The following THADA variants were observed in gnomAD, a reference collection of about 807,000 sequenced individuals.
THADA encodes the protein tRNA (32-2'-O)-methyltransferase regulator THADA.
In THADA, 213 loss-of-function variants were observed where a neutral mutation model predicts 219.8. The ratio of observed to expected loss-of-function variants is 0.97; its 90% CI spans 0.87 to 1.09. The LOEUF (loss-of-function observed/expected upper bound fraction) is 1.09, where lower values mean the gene tolerates loss of function less well. Ranked by LOEUF, THADA falls within the 50% of genes least tolerant of loss-of-function variation. The pLI is 0.00. For synonymous variants in THADA, 1,018 were observed against 828.9 expected (o/e 1.23, Z -3.92); for missense variants, 2,956 against 2,311.3 (o/e 1.28, Z -5.72).
Position 43,342,646 on chromosome 2 carries a change from A to T in THADA, c.4343+1476T>A, listed in dbSNP as rs73923580. ...GCCAGTTTGATGTCAGCCCTCTCTC[A>T]CCCCTCTTCTGGCGTAATGCTGTAC... On this transcript the variant is annotated intron_variant, in intron 30 of 37. Transcript: ENST00000405975. Among the ~76,000 whole-genome samples, 1,059 of 152,068 alleles carry T rather than the reference A, an allele frequency of 7.0e-3. 16 individuals carry two copies. Among genetic ancestry groups the T allele is most frequent in the African/African-American group, 0.025 (1,032 of 41,462 alleles).
intron 4 of THADA, 100 bp from the exon 5 acceptor site, chr2:43,587,102 T>C: frequency 8.0e-7 from 1 of 1,249,790 alleles, no homozygotes; most frequent in South Asian, 1.5e-5. Context: ...CTGAACTAAA[T>C]CTTCAAAATA....
chr2:43,561,297 C>T (rs999287992), intron 15 of THADA, among the ~76,000 whole-genome samples: 5 of 152,176 alleles, frequency 3.3e-5, no homozygotes, highest in Admixed American at 2.6e-4. Flanking sequence ...CTATCAAACT[C>T]TTATTCAAGT....
intron 26 of THADA, chr2:43,484,527 G>A (rs1203942446): frequency 5.9e-6 from 1 of 169,040 alleles, no homozygotes; most frequent in Non-Finnish European, 1.5e-5. Flanking sequence ...AAGTCAATTA[G>A]ATTACCATTA....
rs568720274 is a variant in THADA, at chr2:43,417,041, T to C, written c.4058+11059A>G. Among the ~76,000 whole-genome samples, 60 of 145,790 alleles carry C rather than the reference T, an allele frequency of 4.1e-4. No individual in the cohort carries two copies. The East Asian group carries it at 5.0e-3, about 12-fold the overall frequency. On this transcript the variant is annotated intron_variant, in intron 28 of 37. Coordinates refer to ENST00000405975, the MANE Select transcript of THADA (RefSeq NM_022065.5). ...TGATATCCTCATGGCTGTTTTCTTT[T>C]TTTTTTTTTTTTTTTTTTGAGACGG...
At position 43,335,191 on chromosome 2, in the gene THADA, C is replaced by T. The variant is rs138641688; in HGVS notation, c.4343+8931G>A. On this transcript the variant is annotated intron_variant, in intron 30 of 37. Coordinates refer to ENST00000405975, the MANE Select transcript of THADA (RefSeq NM_022065.5). ...ATAAGATTCCCAGGTGATTCACGTG[C>T]ACATTTTCTTTCTGAGAATCACTGT... Among the ~76,000 whole-genome samples, 28 of 152,216 alleles carry T rather than the reference C, an allele frequency of 1.8e-4. No homozygotes were observed. The East Asian group carries it at 5.2e-3, about 28-fold the overall frequency.
At chr2:43,243,519 AG>A (rs957745024) in intron 36 of THADA, among the ~76,000 whole-genome samples, 9 of 152,042 alleles carry the variant, frequency 5.9e-5, no homozygotes, top group African/African-American at 2.2e-4. Context: ...TGCTCAGTCT[AG>A]TACGCCGGTC....
At chr2:43,382,334 G>A (rs906232087) in intron 29 of THADA, among the ~76,000 whole-genome samples, 2 of 152,196 alleles carry the variant, frequency 1.3e-5, no homozygotes, top group Non-Finnish European at 2.9e-5. Flanking sequence ...GGGGTGTACA[G>A]AAACTTTCTG....
At chr2:43,280,194 C>A (rs1172393228) in intron 35 of THADA, among the ~76,000 whole-genome samples, 5 of 152,206 alleles carry the variant, frequency 3.3e-5, no homozygotes, top group Admixed American at 6.6e-5. Context: ...CTCTGCCCTG[C>A]TCTCCTAGTT....
intron 21 of THADA, among the ~76,000 whole-genome samples, chr2:43,533,423 T>C (rs1446283093): frequency 6.6e-6 from 1 of 151,954 alleles, no homozygotes; most frequent in African/African-American, 2.4e-5. Flanking sequence ...CATTCTACTA[T>C]AAAGACACAT....
In THADA at chr2:43,230,872, A is replaced by C; in HGVS notation, c.*76T>G. 1 of 1,489,760 alleles carries C rather than the reference A, an allele frequency of 6.7e-7. No homozygotes were observed. Among genetic ancestry groups the C allele is most frequent in the South Asian group, 1.4e-5 (1 of 71,260 alleles). The allele number at this position is 1,489,760 out of a possible 1,614,324, so 92.3% of individuals were successfully genotyped here. On this transcript the variant is annotated 3_prime_UTR_variant, in exon 38 of 38. Transcript: ENST00000405975. ...TGAATGGGATAAAATTTTTGAATTT[A>C]TGTTCAACATGTTTCCTGCAGATTT...
At chr2:43,459,612 C>A (rs1683397708) in intron 26 of THADA, among the ~76,000 whole-genome samples, 1 of 152,132 alleles carries the variant, frequency 6.6e-6, no homozygotes, top group Non-Finnish European at 1.5e-5. Context: ...TCTCATGAAC[C>A]TAGTACAATG....
At chr2:43,316,614 T>A (rs1304831844) in intron 31 of THADA, among the ~76,000 whole-genome samples, 3 of 152,128 alleles carry the variant, frequency 2.0e-5, no homozygotes, top group African/African-American at 4.8e-5. Flanking sequence ...CTGGATTAGA[T>A]GCATAGCTTC....
intron 26 of THADA, among the ~76,000 whole-genome samples, chr2:43,437,275 A>T (rs1397482076): frequency 6.6e-6 from 1 of 152,250 alleles, no homozygotes; most frequent in Non-Finnish European, 1.5e-5. Flanking sequence ...AAGATAAGAT[A>T]AAGTCTGTAT....
intron 36 of THADA, among the ~76,000 whole-genome samples, chr2:43,240,219 A>G (rs1479477536): frequency 6.6e-6 from 1 of 152,204 alleles, no homozygotes; most frequent in East Asian, 1.9e-4. Context: ...CAAGCTGCCC[A>G]CTAAAGGGAG....
intron 29 of THADA, among the ~76,000 whole-genome samples, chr2:43,353,672 T>G (rs1433651342): frequency 6.6e-6 from 1 of 152,162 alleles, no homozygotes; most frequent in Non-Finnish European, 1.5e-5. Context: ...TATTTATTTA[T>G]TGAGATGGAG....
Position 43,291,749 on chromosome 2 carries a change from C to A in THADA, c.4957G>T (p.Ala1653Ser), listed in dbSNP as rs1290851458. ...SNERSEIQSV[A>S]LRLASKVISH... ...ATGACTTTGGAAGCAAGTCTCAGAG[C>A]TACACTCTGAATTTCAGATCTAGAA... Residue 1653 changes from alanine to serine, a missense_variant, in exon 34 of 38, where the codon GCT becomes TCT. By Grantham distance (99) the Ala-to-Ser change is moderately conservative. Coordinates refer to ENST00000405975, the MANE Select transcript of THADA (RefSeq NM_022065.5). 1.2e-5 allele frequency: 18 copies of A among 1,551,670 alleles called. No homozygotes were observed. The highest frequency in any genetic ancestry group is 1.4e-5 in the Non-Finnish European group (16 of 1,145,920).
intron 26 of THADA, among the ~76,000 whole-genome samples, chr2:43,484,824 T>C (rs1317118766): frequency 6.6e-6 from 1 of 151,706 alleles, no homozygotes; most frequent in Non-Finnish European, 1.5e-5. Flanking sequence ...GATGTTCTAA[T>C]GAGAGGATCA....
chr2:43,285,504 T>G (rs1673884276), intron 35 of THADA, among the ~76,000 whole-genome samples: 2 of 152,140 alleles, frequency 1.3e-5, no homozygotes, highest in Admixed American at 6.5e-5. Context: ...TGCTTCCTGT[T>G]AAGACTATGG....
At chr2:43,258,395 C>T (rs1328183823) in intron 36 of THADA, among the ~76,000 whole-genome samples, 1 of 151,496 alleles carries the variant, frequency 6.6e-6, no homozygotes, top group Non-Finnish European at 1.5e-5. Context: ...GGTGGTGGGT[C>T]CCTGTAATCC....
Sources: allele counts gnomAD v4.1 joint callset (sites outside exome capture counted in the v4.1 genomes callset), GRCh38; gene constraint gnomAD v4.1.1; transcripts MANE v1.5; gene names NCBI Gene and HGNC (gene_info 2026-07-23, HGNC 2026-07-21).